Variants in AVEN observed in about 807,000 individuals in gnomAD.
AVEN encodes the protein cell death regulator Aven.
AVEN carries 41 observed loss-of-function variants against 38.1 expected under a neutral mutation model. That is an observed-to-expected ratio of 1.08 (90% CI 0.84 to 1.40). AVEN has a LOEUF of 1.40. Ranked by LOEUF, AVEN falls within the 40% of genes most tolerant of loss-of-function variation. AVEN has a pLI of 0.00. For synonymous variants in AVEN, 206 were observed against 171.8 expected, an observed-to-expected ratio of 1.20 and a Z score of -1.56; for missense variants, 605 against 438.8, an observed-to-expected ratio of 1.38 and a Z score of -3.38.
downstream of AVEN, chr15:33,854,276 G>C (rs763437328): frequency 9.5e-5 from 72 of 756,302 alleles, no homozygotes; most frequent in Non-Finnish European, 1.5e-4. Flanking sequence ...ATAAAGCTGA[G>C]AGCCATATTT....
intron 3 of AVEN, among the ~76,000 whole-genome samples, chr15:33,871,276 G>T (rs752619781): frequency 2.3e-4 from 35 of 152,054 alleles, no homozygotes; most frequent in Non-Finnish European, 4.3e-4. Flanking sequence ...CTCCCATCAA[G>T]ACTGTCCAGG....
At chr15:33,937,153 C>T (rs1894103492) in intron 2 of AVEN, among the ~76,000 whole-genome samples, 1 of 135,356 alleles carries the variant, frequency 7.4e-6, no homozygotes. Flanking sequence ...AAAAAAAGAC[C>T]AAAAACAGAC....
At chr15:34,015,968 C>T (rs1897885859) in intron 1 of AVEN, among the ~76,000 whole-genome samples, 1 of 152,144 alleles carries the variant, frequency 6.6e-6, no homozygotes, top group South Asian at 2.1e-4. Context: ...TGAACAGTAA[C>T]CATTATGTGA....
upstream of AVEN, among the ~76,000 whole-genome samples, chr15:34,039,428 CGTAT>C (rs1899367662): frequency 6.6e-6 from 1 of 151,648 alleles, no homozygotes; most frequent in African/African-American, 2.4e-5. Flanking sequence ...AAAGTTTAAA[CGTAT>C]GTATTTGCAT....
chr15:33,963,970 G>A (rs984740303), intron 2 of AVEN, among the ~76,000 whole-genome samples: 4 of 151,912 alleles, frequency 2.6e-5, no homozygotes, highest in Admixed American at 2.0e-4. Flanking sequence ...CACAAACTTA[G>A]AAATCTAAAA....
At chr15:33,981,767 G>A (rs1896155718) in intron 2 of AVEN, among the ~76,000 whole-genome samples, 1 of 152,018 alleles carries the variant, frequency 6.6e-6, no homozygotes, top group Non-Finnish European at 1.5e-5. Flanking sequence ...AACACTGAAG[G>A]GCTATTTTGA....
chr15:33,858,628 T>G (rs1450911299), downstream of AVEN: 1 of 48,056 alleles, frequency 2.1e-5, no homozygotes, highest in Non-Finnish European at 8.8e-5. Context: ...TTGATTTATT[T>G]CAGCAAGCCA....
chr15:33,884,902 C>T (rs1309043853), intron 2 of AVEN, among the ~76,000 whole-genome samples: 2 of 152,136 alleles, frequency 1.3e-5, no homozygotes, highest in Non-Finnish European at 1.5e-5. Context: ...TCCCATAACT[C>T]ATTCATCCTG....
At position 34,063,540 on chromosome 15, in the gene AVEN, C is replaced by T. The variant is rs755895467; in HGVS notation, n.1127-108G>A. The stretch of plus-strand genomic sequence containing the variant: ...GAACCAGGCCTCCTGGTCATCCTCC[C>T]GCAGGAGCACCTCCACCACTGGGAA... On this transcript the variant is annotated intron_variant and non_coding_transcript_variant, in intron 4 of 11. Coordinates refer to the AVEN transcript ENST00000675287. This position sits in a 1 kb window ranked among gnomAD's most constrained non-coding sequence, Gnocchi z 4.1. 1.8e-5 allele frequency: 29 copies of T among 1,613,492 alleles called. No individual in the cohort carries two copies. The highest frequency in any genetic ancestry group is 1.4e-5 in the Non-Finnish European group (16 of 1,180,024).
downstream of AVEN, chr15:33,864,248 T>C: frequency 3.8e-6 from 5 of 1,304,372 alleles, no homozygotes; most frequent in South Asian, 1.3e-5. Flanking sequence ...TCTTGAGACT[T>C]AGTAGGGCAT....
chr15:33,924,272 A>G (rs953751331), intron 2 of AVEN, among the ~76,000 whole-genome samples: 2 of 151,688 alleles, frequency 1.3e-5, no homozygotes, highest in Non-Finnish European at 2.9e-5. Flanking sequence ...CGGGAGGCTG[A>G]GGCACAAGAA....
intron 2 of AVEN, among the ~76,000 whole-genome samples, chr15:33,925,798 A>T (rs746144680): frequency 2.0e-5 from 3 of 152,180 alleles, no homozygotes; most frequent in Non-Finnish European, 4.4e-5. Context: ...CTTGAGATGG[A>T]AAGTTTTTAT....
rs181145310 is a variant in AVEN at position 34,054,454 on chromosome 15, T to C, written n.1637+8468A>G. Reference sequence around the variant, plus strand: ...AAATGCCCATCAACAATAGACTGGATAAAAAATGTGGTACAGATACACCAT... The same window carrying C: ...AAATGCCCATCAACAATAGACTGGACAAAAAATGTGGTACAGATACACCAT... On this transcript the variant is annotated intron_variant and non_coding_transcript_variant, in intron 5 of 11. Transcript: ENST00000675287. Among the ~76,000 whole-genome samples the C allele has an allele frequency of 3.4e-3, 521 of 152,056 alleles. 4 individuals are homozygous for C. The highest frequency in any genetic ancestry group is 0.012 in the African/African-American group (485 of 41,468).
intron 5 of AVEN, chr15:34,062,533 T>C (rs989544469): frequency 3.4e-4 from 191 of 555,076 alleles, no homozygotes; most frequent in Admixed American, 4.3e-4. Flanking sequence ...CCAGCCTGGG[T>C]GACAAAGCGA....
chr15:33,892,459 A>C (rs8038384), intron 2 of AVEN, among the ~76,000 whole-genome samples: 150,730 of 151,880 alleles, frequency 0.99, 74,806 homozygotes, highest in Middle Eastern at 1. Context: ...AGCCAGTTTT[A>C]CCAGCACCAT....
intron 2 of AVEN, among the ~76,000 whole-genome samples, chr15:33,898,947 G>C (rs1892362208): frequency 6.6e-6 from 1 of 152,148 alleles, no homozygotes; most frequent in South Asian, 2.1e-4. Context: ...AGAAGAGTAG[G>C]ACATTCCGAG....
chr15:33,853,998 C>T (rs986687816), downstream of AVEN, among the ~76,000 whole-genome samples: 2 of 152,032 alleles, frequency 1.3e-5, no homozygotes, highest in African/African-American at 4.8e-5. Flanking sequence ...TCGATACCAG[C>T]CTGGCCAACA....
intron 2 of AVEN, among the ~76,000 whole-genome samples, chr15:33,937,519 C>A (rs946961176): frequency 2.8e-5 from 4 of 141,562 alleles, no homozygotes; most frequent in Non-Finnish European, 6.3e-5. Context: ...GGCGACAGAG[C>A]GAGACTCCAT....
At chr15:33,854,915 A>G (rs756810104), downstream of AVEN, 1 of 1,608,830 alleles carries the variant, frequency 6.2e-7, no homozygotes, top group Non-Finnish European at 8.5e-7. Context: ...GCAAACAGGT[A>G]TGGTTTCTAC....
Sources: allele counts gnomAD v4.1 joint callset (sites outside exome capture counted in the v4.1 genomes callset), GRCh38; gene constraint gnomAD v4.1.1; non-coding constraint Gnocchi (gnomAD v3.1); transcripts MANE v1.5; gene names NCBI Gene and HGNC (gene_info 2026-07-23, HGNC 2026-07-21).